The following HECW1 variants were observed in gnomAD, a reference collection of about 807,000 sequenced individuals.
HECW1 encodes HECT, C2 and WW domain containing E3 ubiquitin protein ligase 1, also known as E3 ubiquitin-protein ligase HECW1.
HECW1 carries 61 observed loss-of-function variants against 182.3 expected under a neutral mutation model. The observed-to-expected ratio is 0.33, with a 90% CI of 0.27 to 0.41. The LOEUF (loss-of-function observed/expected upper bound fraction) is 0.41. Among genes scored for constraint, HECW1 ranks in the 10% least tolerant of loss-of-function variants. The pLI, the probability that HECW1 is intolerant of heterozygous loss-of-function variation, is 1.00. For missense variants in HECW1, 1,739 were observed against 2,108.9 expected (o/e 0.82, Z 3.44); for synonymous variants, 859 against 832.6 (o/e 1.03, Z -0.55).
At chr7:43,532,115 G>A (rs948754404) in intron 24 of HECW1, among the ~76,000 whole-genome samples, 1 of 152,192 alleles carries the variant, frequency 6.6e-6, no homozygotes, top group African/African-American at 2.4e-5. Context: ...CCCTGTTCTG[G>A]TGTTTCCCAT....
At chr7:43,134,152 G>C (rs1455707161) in intron 2 of HECW1, among the ~76,000 whole-genome samples, 1 of 152,074 alleles carries the variant, frequency 6.6e-6, no homozygotes, top group Non-Finnish European at 1.5e-5. Context: ...TGTAATCCCA[G>C]CACTTTGGGA....
At chr7:43,558,571 C>T (rs1041013799) in intron 29 of HECW1, among the ~76,000 whole-genome samples, 2 of 152,088 alleles carry the variant, frequency 1.3e-5, no homozygotes, top group African/African-American at 2.4e-5. Flanking sequence ...CTACTGGTGT[C>T]CATTGAGTAG....
chr7:43,498,445 G>A lies in HECW1; in HGVS notation c.3438-2254G>A, dbSNP rs539585618. The stretch of plus-strand genomic sequence containing the variant: ...TCATTGGGAGAGCATATAGATTTGA[G>A]GTCATTCATAAGGCCAAAATCATTA... On this transcript the variant is annotated intron_variant, in intron 19 of 29. Coordinates refer to ENST00000395891, the MANE Select transcript of HECW1 (RefSeq NM_015052.5). Among the ~76,000 whole-genome samples, 3 of 152,252 alleles carry A rather than the reference G, an allele frequency of 2.0e-5. No homozygotes were observed. In the South Asian group the frequency reaches 6.2e-4, roughly 32 times the overall value.
chr7:43,383,212 T>C (rs1227913770), intron 6 of HECW1, among the ~76,000 whole-genome samples: 1 of 152,230 alleles, frequency 6.6e-6, no homozygotes, highest in African/African-American at 2.4e-5. Flanking sequence ...TTCCAAGTCT[T>C]TGCTATTGTA....
Position 43,445,045 on chromosome 7 carries a change from C to T in HECW1, c.1873C>T (p.Pro625Ser). The T allele has an allele frequency of 6.3e-7, 1 of 1,576,118 alleles. No individual in the cohort carries two copies. Among genetic ancestry groups the T allele is most frequent in the Non-Finnish European group, 8.6e-7 (1 of 1,161,050 alleles). Residue 625 changes from proline (P) to serine (S), a missense_variant, in exon 11 of 30, where the codon CCA becomes TCA. Physicochemically the swap from Pro to Ser is moderately conservative, Grantham distance 74. Transcript: ENST00000395891. ...EDREEPEGATPGTAHPGHSGG... is the reference protein window; with the variant it reads ...EDREEPEGATSGTAHPGHSGG... ...CAGAGAAGAGCCCGAGGGGGCTACT[C>T]CAGGCACGGCGCACCCTGGCCACTC...
intron 3 of HECW1, among the ~76,000 whole-genome samples, chr7:43,292,047 A>C (rs887301042): frequency 6.6e-6 from 1 of 152,216 alleles, no homozygotes; most frequent in Non-Finnish European, 1.5e-5. Flanking sequence ...TGAGAGAGAG[A>C]AACTCTTACA....
At chr7:43,419,459 C>T (rs1166426407) in intron 8 of HECW1, among the ~76,000 whole-genome samples, 1 of 152,180 alleles carries the variant, frequency 6.6e-6, no homozygotes, top group African/African-American at 2.4e-5. Context: ...GATTCCATCT[C>T]TTCACTGTAC....
intron 19 of HECW1, among the ~76,000 whole-genome samples, chr7:43,493,776 A>T (rs2079020296): frequency 6.6e-6 from 1 of 152,216 alleles, no homozygotes; most frequent in Admixed American, 6.5e-5. Context: ...TTACTCTCCA[A>T]CGTTCCAAAA....
intron 3 of HECW1, among the ~76,000 whole-genome samples, chr7:43,308,243 AATATATATATATTATATG>A (rs1420865908): frequency 3.6e-5 from 2 of 56,202 alleles, no homozygotes; most frequent in African/African-American, 2.6e-4. Context: ...AATAATATAT[AATATATATATATTATATG>A]ATATATTTAT....
chr7:43,358,115 T>C (rs942009336), intron 5 of HECW1, among the ~76,000 whole-genome samples: 5 of 152,174 alleles, frequency 3.3e-5, no homozygotes, highest in South Asian at 2.1e-4. Flanking sequence ...GTACCTAAAA[T>C]TCCTTTCCAC....
At chr7:43,389,340 C>G (rs555065858) in intron 6 of HECW1, among the ~76,000 whole-genome samples, 135 of 152,266 alleles carry the variant, frequency 8.9e-4, no homozygotes, top group African/African-American at 3.1e-3. Context: ...TGGGGGTGGG[C>G]CCAGCAATGT....
In HECW1 at chr7:43,565,542, A is replaced by G. The variant is rs1480824208; in HGVS notation, c.*3616A>G. The G allele has an allele frequency of 5.6e-6, 1 of 178,164 alleles. No individual in the cohort carries two copies. The highest frequency in any genetic ancestry group is 1.2e-5 in the Non-Finnish European group (1 of 83,644). The allele number at this position is 178,164 out of a possible 1,614,324, so 11.0% of individuals were successfully genotyped here. ...CAAATGAAAGTAGTTAGAACTTTAC[A>G]TAACAAATGTGGTGCTTTATTATTA... On this transcript the variant is annotated 3_prime_UTR_variant, in exon 30 of 30. Coordinates refer to ENST00000395891, the MANE Select transcript of HECW1 (RefSeq NM_015052.5).
chr7:43,410,499 G>A (rs1584806161), intron 8 of HECW1, among the ~76,000 whole-genome samples: 1 of 152,126 alleles, frequency 6.6e-6, no homozygotes, highest in South Asian at 2.1e-4. Flanking sequence ...GGTTGGTGGT[G>A]GAAGGAGACA....
At chr7:43,334,927 T>C (rs1160019978) in intron 5 of HECW1, among the ~76,000 whole-genome samples, 1 of 152,232 alleles carries the variant, frequency 6.6e-6, no homozygotes, top group Non-Finnish European at 1.5e-5. Context: ...ACTTCTGTTC[T>C]TTTCTTCATA....
intron 4 of HECW1, among the ~76,000 whole-genome samples, chr7:43,315,448 C>T (rs1175598116): frequency 6.8e-6 from 1 of 147,368 alleles, no homozygotes; most frequent in Non-Finnish European, 1.5e-5. Flanking sequence ...CCCCATATCT[C>T]CCGTCCCATT....
chr7:43,232,258 C>T (rs375919260), intron 2 of HECW1, among the ~76,000 whole-genome samples: 9 of 152,140 alleles, frequency 5.9e-5, no homozygotes, highest in African/African-American at 2.2e-4. Flanking sequence ...TGCCAGAACC[C>T]GTCCTCCACT....
intron 3 of HECW1, among the ~76,000 whole-genome samples, chr7:43,260,568 G>A (rs1369061484): frequency 6.6e-6 from 1 of 152,194 alleles, no homozygotes; most frequent in Non-Finnish European, 1.5e-5. Context: ...AAAAATTCTG[G>A]ATAAAGTAGA....
chr7:43,444,441 G>A lies in HECW1; in HGVS notation c.1269G>A (p.Thr423=), dbSNP rs746205747. The A allele has an allele frequency of 3.1e-6, 5 of 1,613,728 alleles. No homozygotes were observed. The highest frequency in any genetic ancestry group is 3.3e-5 in the Admixed American group (2 of 59,996). ...CAGCTGAGGAAGCAGCAGTCATCAC[G>A]GAGGCAGGAGACCAGGGCATGGTCT... ...SRPAEEAAVI[T]EAGDQGMVSV... Residue 423 remains threonine (T), a synonymous_variant, in exon 11 of 30, where the codon ACG becomes ACA. Coordinates refer to ENST00000395891, the MANE Select transcript of HECW1 (RefSeq NM_015052.5). This position sits in a 1 kb window ranked among gnomAD's most constrained non-coding sequence, Gnocchi z 4.3.
In HECW1 at chr7:43,369,181, G is replaced by A. The variant is rs755022615; in HGVS notation, c.555+8201G>A. On this transcript the variant is annotated intron_variant, in intron 6 of 29. Coordinates refer to ENST00000395891, the MANE Select transcript of HECW1 (RefSeq NM_015052.5). ...TGACATAAAGAGACAATTTAGGGCCGGGCGCAGTGGCTCATGCTTGTAATC... is the reference window on the plus strand; with the variant it reads ...TGACATAAAGAGACAATTTAGGGCCAGGCGCAGTGGCTCATGCTTGTAATC... Among the ~76,000 whole-genome samples the A allele has an allele frequency of 7.2e-5, 11 of 152,110 alleles. 1 individual carries two copies. The highest frequency in any genetic ancestry group is 1.0e-4 in the Non-Finnish European group (7 of 68,014).
Sources: allele counts gnomAD v4.1 joint callset (sites outside exome capture counted in the v4.1 genomes callset), GRCh38; gene constraint gnomAD v4.1.1; non-coding constraint Gnocchi (gnomAD v3.1); transcripts MANE v1.5; gene names NCBI Gene and HGNC (gene_info 2026-07-23, HGNC 2026-07-21).